Variants in NFATC1 observed in about 807,000 individuals in gnomAD.
The protein encoded by NFATC1 is nuclear factor of activated T-cells, cytoplasmic 1.
Under a neutral mutation model 76.0 loss-of-function variants are expected in NFATC1, and 22 were observed. That is an observed-to-expected ratio of 0.29 (90% CI 0.21 to 0.41). The LOEUF (loss-of-function observed/expected upper bound fraction) is 0.41, where lower values mean the gene tolerates loss of function less well. NFATC1 is among the 10% of genes least tolerant of loss of function. The probability of loss-of-function intolerance (pLI) is 1.00; values close to 1 mark genes in which losing one functional copy is unlikely to be tolerated. For synonymous variants in NFATC1, 704 were observed against 613.1 expected (o/e 1.15, Z -2.19); for missense variants, 1,357 against 1,337.7 (o/e 1.01, Z -0.23).
At chr18:79,412,644 A>G (rs1320065804) in intron 2 of NFATC1, among the ~76,000 whole-genome samples, 1 of 152,088 alleles carries the variant, frequency 6.6e-6, no homozygotes. Context: ...GCATGGACAG[A>G]ATTAGAGCTA....
At chr18:79,522,590 A>G (rs1360969959) in intron 9 of NFATC1, among the ~76,000 whole-genome samples, 4 of 152,028 alleles carry the variant, frequency 2.6e-5, no homozygotes, top group East Asian at 1.9e-4. Context: ...AAAGGCGCAC[A>G]CCGCAGGAAA....
chr18:79,483,644 G>GT (rs201412085), intron 8 of NFATC1, among the ~76,000 whole-genome samples: 1 of 130,450 alleles, frequency 7.7e-6, no homozygotes, highest in African/African-American at 3.0e-5. Flanking sequence ...GCGTGACCTG[G>GT]TCCTGGGGTG....
intron 1 of NFATC1, among the ~76,000 whole-genome samples, chr18:79,408,233 G>T (rs2085508762): frequency 6.6e-6 from 1 of 152,208 alleles, no homozygotes; most frequent in African/African-American, 2.4e-5. Context: ...TTAGCGGAAA[G>T]ACAGCACTGT....
At chr18:79,428,287 A>C (rs1181935894) in intron 2 of NFATC1, among the ~76,000 whole-genome samples, 1 of 152,192 alleles carries the variant, frequency 6.6e-6, no homozygotes, top group Admixed American at 6.5e-5. Context: ...TATTATTTGT[A>C]TATAATGTGT....
At chr18:79,512,190 A>G (rs540275060) in intron 9 of NFATC1, among the ~76,000 whole-genome samples, 4 of 151,884 alleles carry the variant, frequency 2.6e-5, no homozygotes, top group African/African-American at 9.7e-5. Flanking sequence ...GCCCCAGGAC[A>G]CGGCCTCACC....
At position 79,429,220 on chromosome 18, in the gene NFATC1, C is replaced by CA. The variant is rs397858514; in HGVS notation, c.1227-4339dup. ...TGGGCCACAGAGCGGGACTCCGTCT[C>CA]AAAAAAAAAAAAAAAAAAAATGGAG... On this transcript the variant is annotated intron_variant, in intron 2 of 9. Transcript: ENST00000427363. Among the ~76,000 whole-genome samples, 792 of 96,440 alleles carry CA rather than the reference C, an allele frequency of 8.2e-3. 7 individuals carry two copies. Among genetic ancestry groups the CA allele is most frequent in the South Asian group, 0.017 (43 of 2,486 alleles). 63.3% of individuals were successfully genotyped at this position (96,440 alleles called of 152,430 possible).
intron 2 of NFATC1, among the ~76,000 whole-genome samples, chr18:79,423,950 G>A (rs2086189895): frequency 6.6e-6 from 1 of 152,210 alleles, no homozygotes; most frequent in African/African-American, 2.4e-5. Context: ...TGACCCTCCA[G>A]GGTGGGACAG....
At chr18:79,516,273 T>C (rs2090381093) in intron 9 of NFATC1, among the ~76,000 whole-genome samples, 1 of 152,138 alleles carries the variant, frequency 6.6e-6, no homozygotes, top group Non-Finnish European at 1.5e-5. Flanking sequence ...TCCCGTCCTC[T>C]CCTTCCAAAA....
rs2090819271 is a variant in NFATC1, at chr18:79,528,246, G to A, written c.*669G>A. On this transcript the variant is annotated 3_prime_UTR_variant, in exon 10 of 10. Coordinates refer to ENST00000427363, the MANE Select transcript of NFATC1 (RefSeq NM_001278669.2). ...TGAAACCGTAGGCTTGTTCATAGTC[G>A]CATGCTCGCATCTTTGTTTTTAATC... 1 of 277,190 alleles carries A rather than the reference G, an allele frequency of 3.6e-6. No homozygotes were observed. Among genetic ancestry groups the A allele is most frequent in the East Asian group, 6.2e-5 (1 of 16,210 alleles). The allele number at this position is 277,190 out of a possible 1,614,324, so 17.2% of individuals were successfully genotyped here. A position where few individuals can be genotyped will look rare whatever the true frequency, so the allele number is the denominator to read the frequency against.
intron 9 of NFATC1, among the ~76,000 whole-genome samples, chr18:79,513,585 G>A (rs2090311224): frequency 6.6e-6 from 1 of 152,262 alleles, no homozygotes; most frequent in Non-Finnish European, 1.5e-5. Context: ...GCCGGCGGGG[G>A]CGTGGACGTC....
chr18:79,424,076 T>C (rs1019884322), intron 2 of NFATC1, among the ~76,000 whole-genome samples: 1 of 152,140 alleles, frequency 6.6e-6, no homozygotes, highest in Non-Finnish European at 1.5e-5. Flanking sequence ...TTGTCTTGGG[T>C]CGTGGAAGAA....
intron 9 of NFATC1, among the ~76,000 whole-genome samples, chr18:79,521,262 T>TGGG (rs2090551522): frequency 2.1e-5 from 1 of 47,716 alleles, no homozygotes; most frequent in African/African-American, 9.2e-5. Context: ...CATGTGTGTG[T>TGGG]GGGGGCATCC....
At chr18:79,439,630 G>A (rs1472789796) in intron 3 of NFATC1, among the ~76,000 whole-genome samples, 2 of 152,204 alleles carry the variant, frequency 1.3e-5, no homozygotes, top group Admixed American at 6.5e-5. Flanking sequence ...CGTTGTTCCC[G>A]CAGCCCATGC....
intron 9 of NFATC1, among the ~76,000 whole-genome samples, chr18:79,507,907 G>A (rs967033174): frequency 2.6e-5 from 4 of 152,232 alleles, no homozygotes; most frequent in Non-Finnish European, 2.9e-5. Context: ...GCTGGGGGCC[G>A]TCGCTCTGGC....
intron 1 of NFATC1, among the ~76,000 whole-genome samples, chr18:79,397,610 C>T (rs2085050467): frequency 6.6e-6 from 1 of 152,234 alleles, no homozygotes; most frequent in African/African-American, 2.4e-5. Context: ...GTGTTTTACA[C>T]AATGTGCTCT....
Position 79,524,994 on chromosome 18 carries a change from C to T in NFATC1, c.2783-2534C>T, listed in dbSNP as rs545015606. 3.3e-5 allele frequency among the ~76,000 whole-genome samples: 5 copies of T among 151,730 alleles called. No individual in the cohort carries two copies. The highest frequency in any genetic ancestry group is 2.0e-4 in the Admixed American group (3 of 15,248). On this transcript the variant is annotated intron_variant, in intron 9 of 9. Coordinates refer to ENST00000427363, the MANE Select transcript of NFATC1 (RefSeq NM_001278669.2). This position sits in a 1 kb window ranked among gnomAD's most constrained non-coding sequence, Gnocchi z 7.2. ...CACCATCACCCATCCTGTCCCCTCA[C>T]GCCTCCCCACATCCCATCATTACTA...
At chr18:79,447,925 C>G (rs1367961458) in intron 3 of NFATC1, among the ~76,000 whole-genome samples, 1 of 152,230 alleles carries the variant, frequency 6.6e-6, no homozygotes. Flanking sequence ...CGCTGATGAG[C>G]AACTCATCCC....
chr18:79,415,031 C>G (rs1413241753), intron 2 of NFATC1, among the ~76,000 whole-genome samples: 1 of 152,228 alleles, frequency 6.6e-6, no homozygotes, highest in Non-Finnish European at 1.5e-5. Flanking sequence ...GCCTCCTCCA[C>G]CTGGGCACCT....
chr18:79,437,392 G>C (rs1441183088), intron 3 of NFATC1, among the ~76,000 whole-genome samples: 1 of 152,174 alleles, frequency 6.6e-6, no homozygotes, highest in African/African-American at 2.4e-5. Flanking sequence ...GCCAGCCTCA[G>C]CTCCTGCCCA....
Sources: gnomAD v4.1 joint callset for allele counts (sites outside exome capture counted in the v4.1 genomes callset) on GRCh38, gnomAD v4.1.1 for gene constraint, Gnocchi (gnomAD v3.1) non-coding constraint, MANE v1.5 for transcripts, NCBI Gene and HGNC (gene_info 2026-07-23, HGNC 2026-07-21) for gene names.